NTRK3: variants seen among roughly 807,000 people sequenced by gnomAD.
NTRK3 encodes neurotrophic receptor tyrosine kinase 3.
NTRK3 carries 24 observed loss-of-function variants against 91.7 expected under a neutral mutation model. The observed-to-expected ratio is 0.26, with a 90% CI of 0.19 to 0.37. NTRK3 has a LOEUF of 0.37. Ranked by LOEUF, NTRK3 falls within the 10% of genes least tolerant of loss-of-function variation. NTRK3 has a pLI of 1.00. For synonymous variants in NTRK3, 483 were observed against 404.0 expected, an observed-to-expected ratio of 1.20 and a Z score of -2.34; for missense variants, 880 against 1,068.9, an observed-to-expected ratio of 0.82 and a Z score of 2.46.
chr15:88,002,671 G>A (rs2076199215), intron 14 of NTRK3, among the ~76,000 whole-genome samples: 2 of 114,564 alleles, frequency 1.7e-5, no homozygotes, highest in Admixed American at 1.9e-4. Context: ...AGACTCAACA[G>A]AAAACATGAG....
At chr15:88,090,216 T>C (rs910077802) in intron 13 of NTRK3, among the ~76,000 whole-genome samples, 1 of 152,190 alleles carries the variant, frequency 6.6e-6, no homozygotes, top group African/African-American at 2.4e-5. Context: ...CTACCTGCCA[T>C]GTTATAGGTT....
intron 5 of NTRK3, among the ~76,000 whole-genome samples, chr15:88,170,341 A>G (rs2045391213): frequency 6.6e-6 from 1 of 152,138 alleles, no homozygotes; most frequent in African/African-American, 2.4e-5. Flanking sequence ...ACCAGGTTGC[A>G]TTTTTTTCCT....
At chr15:87,954,447 T>C (rs1296234402) in intron 14 of NTRK3, among the ~76,000 whole-genome samples, 1 of 152,248 alleles carries the variant, frequency 6.6e-6, no homozygotes, top group South Asian at 2.1e-4. Context: ...TTCTCCTGTA[T>C]AATTTCCCCT....
intron 10 of NTRK3, among the ~76,000 whole-genome samples, chr15:88,133,069 C>T (rs939115022): frequency 1.3e-5 from 2 of 152,098 alleles, no homozygotes; most frequent in Admixed American, 6.5e-5. Flanking sequence ...TCTCTGATTC[C>T]GTAGATGTGA....
At chr15:88,207,942 G>A (rs1331109481) in intron 3 of NTRK3, among the ~76,000 whole-genome samples, 1 of 152,196 alleles carries the variant, frequency 6.6e-6, no homozygotes, top group Admixed American at 6.5e-5. Context: ...GTAACCTTGT[G>A]GATTCTGGGA....
chr15:87,870,688 A>T (rs549150235), exon 19 of NTRK3: 16 of 220,572 alleles, frequency 7.3e-5, no homozygotes, highest in Non-Finnish European at 1.5e-4. Flanking sequence ...TTCAAAAAAG[A>T]TGTCTAAATT....
chr15:88,084,973 A>G (rs543574293), intron 13 of NTRK3, among the ~76,000 whole-genome samples: 25 of 152,314 alleles, frequency 1.6e-4, no homozygotes, highest in African/African-American at 5.1e-4. Context: ...GATAACCTAT[A>G]TATCAGGGAC....
intron 13 of NTRK3, among the ~76,000 whole-genome samples, chr15:88,048,352 G>A (rs965009898): frequency 1.3e-5 from 2 of 152,206 alleles, no homozygotes; most frequent in African/African-American, 4.8e-5. Context: ...TTCCTGACGG[G>A]CTATCAAAGT....
intron 13 of NTRK3, among the ~76,000 whole-genome samples, chr15:88,122,201 T>TACATATGGATATACAGAG (rs1346085170): frequency 6.6e-6 from 1 of 152,234 alleles, no homozygotes; most frequent in Non-Finnish European, 1.5e-5. Flanking sequence ...TCTGTGTGTC[T>TACATATGGATATACAGAG]ACATATGGAT....
chr15:87,902,095 A>G lies in NTRK3; in HGVS notation c.2134-21667T>C, dbSNP rs149567777. Among the ~76,000 whole-genome samples, 370 of 152,344 alleles carry G rather than the reference A, an allele frequency of 2.4e-3. 1 individual carries two copies. Among genetic ancestry groups the G allele is most frequent in the African/African-American group, 8.2e-3 (341 of 41,582 alleles). ...ATTTTCATTCAGAAATATCTAAATCAGCAGATTCAATGAAGTAAGATGGGA... is the reference window on the plus strand; with the variant it reads ...ATTTTCATTCAGAAATATCTAAATCGGCAGATTCAATGAAGTAAGATGGGA... On this transcript the variant is annotated intron_variant, in intron 17 of 18. Coordinates refer to ENST00000394480, the Ensembl canonical transcript of NTRK3.
chr15:87,877,911 C>T (rs550167071), intron 18 of NTRK3, among the ~76,000 whole-genome samples: 1 of 152,240 alleles, frequency 6.6e-6, no homozygotes, highest in South Asian at 2.1e-4. Context: ...TATGGCCCAA[C>T]ATACTGAAGG....
intron 14 of NTRK3, among the ~76,000 whole-genome samples, chr15:87,983,339 C>T (rs1289547260): frequency 6.6e-6 from 1 of 152,172 alleles, no homozygotes; most frequent in Non-Finnish European, 1.5e-5. Flanking sequence ...CCACACTTTC[C>T]ACAACTTTCC....
At chr15:88,172,988 A>G (rs1281308735) in intron 5 of NTRK3, among the ~76,000 whole-genome samples, 1 of 152,212 alleles carries the variant, frequency 6.6e-6, no homozygotes, top group Non-Finnish European at 1.5e-5. Flanking sequence ...GAGGCAGCAG[A>G]TATGAGAGTA....
At chr15:88,058,833 G>T (rs962130192) in intron 13 of NTRK3, among the ~76,000 whole-genome samples, 1 of 152,156 alleles carries the variant, frequency 6.6e-6, no homozygotes, top group East Asian at 1.9e-4. Flanking sequence ...TGATGATGAT[G>T]ATAATTATCA....
At chr15:88,135,774 T>C in intron 9 of NTRK3, 125 bp downstream of exon 9, 1 of 1,309,212 alleles carries the variant, frequency 7.6e-7, no homozygotes, top group Non-Finnish European at 1.1e-6. Flanking sequence ...CAAGAGTCCT[T>C]CTGTCCCTAC....
At chr15:88,224,218 TC>T (rs760653626) in intron 3 of NTRK3, among the ~76,000 whole-genome samples, 21 of 152,152 alleles carry the variant, frequency 1.4e-4, no homozygotes, top group Non-Finnish European at 2.4e-4. Context: ...ATCAGGATGC[TC>T]CCTGCAAGGT....
Position 88,092,924 on chromosome 15 carries a change from T to A in NTRK3, c.1396+33347A>T, listed in dbSNP as rs550968378. ...CAGGACCTACCTGGATAATCCAGGA[T>A]AATCTCCCCAAATCAAGATCCTTAA... On this transcript the variant is annotated intron_variant, in intron 13 of 18. Transcript: ENST00000394480. 1.8e-4 allele frequency among the ~76,000 whole-genome samples: 27 copies of A among 152,304 alleles called. 1 individual carries two copies. The highest frequency in any genetic ancestry group is 1.3e-4 in the Admixed American group (2 of 15,304).
At chr15:88,141,360 A>G (rs542917076) in intron 6 of NTRK3, among the ~76,000 whole-genome samples, 1 of 152,350 alleles carries the variant, frequency 6.6e-6, no homozygotes, top group Admixed American at 6.5e-5. Flanking sequence ...CGTAACCCTC[A>G]TGACAAGAAG....
At chr15:88,131,051 C>G (rs2041285024) in intron 10 of NTRK3, among the ~76,000 whole-genome samples, 1 of 152,162 alleles carries the variant, frequency 6.6e-6, no homozygotes. Context: ...AGTTAAAAAT[C>G]TTTAAAAATT....
Sources: allele counts gnomAD v4.1 joint callset (sites outside exome capture counted in the v4.1 genomes callset), GRCh38; gene constraint gnomAD v4.1.1; transcripts MANE v1.5; gene names NCBI Gene and HGNC (gene_info 2026-07-23, HGNC 2026-07-21).